TOX2: variants seen among roughly 807,000 people sequenced by gnomAD.
TOX2 encodes the protein granulosa cell HMG box 1.
Under a neutral mutation model 47.4 loss-of-function variants are expected in TOX2, and 15 were observed. That is an observed-to-expected ratio of 0.32 (90% confidence interval 0.21 to 0.49). The LOEUF is 0.49. Ranked by LOEUF, TOX2 falls within the 20% of genes least tolerant of loss-of-function variation. The probability of loss-of-function intolerance (pLI) is 0.99; values close to 1 mark genes in which losing one functional copy is unlikely to be tolerated. For synonymous variants in TOX2, 290 were observed against 296.6 expected (o/e 0.98, Z 0.23); for missense variants, 622 against 673.1 (o/e 0.92, Z 0.84).
chr20:43,974,271 G>A (rs181563298), intron 2 of TOX2, among the ~76,000 whole-genome samples: 56 of 151,614 alleles, frequency 3.7e-4, no homozygotes, highest in African/African-American at 1.3e-3. Flanking sequence ...AGAAAGTGAT[G>A]CAAGGGTGGG....
intron 7 of TOX2, among the ~76,000 whole-genome samples, chr20:44,066,429 G>C (rs2071823196): frequency 6.6e-6 from 1 of 152,174 alleles, no homozygotes; most frequent in South Asian, 2.1e-4. Flanking sequence ...CACAGAGATT[G>C]CTACGAGGTT....
chr20:43,989,323 G>A (rs560080719), intron 2 of TOX2, among the ~76,000 whole-genome samples: 1 of 152,306 alleles, frequency 6.6e-6, no homozygotes, highest in East Asian at 1.9e-4. Context: ...AGCAGTTAGA[G>A]AATGGGAGAG....
chr20:43,933,202 C>A (rs1273009272), intron 1 of TOX2, among the ~76,000 whole-genome samples: 1 of 152,216 alleles, frequency 6.6e-6, no homozygotes, highest in Non-Finnish European at 1.5e-5. Context: ...TCTGTAGCTG[C>A]AATACCATCA....
chr20:43,975,554 G>C (rs1219868218), intron 2 of TOX2, among the ~76,000 whole-genome samples: 1 of 152,126 alleles, frequency 6.6e-6, no homozygotes, highest in Non-Finnish European at 1.5e-5. Flanking sequence ...CTCAGACTCG[G>C]AGCTCCACAA....
At chr20:44,027,680 C>T (rs887000117) in intron 3 of TOX2, among the ~76,000 whole-genome samples, 3 of 152,330 alleles carry the variant, frequency 2.0e-5, no homozygotes, top group African/African-American at 7.2e-5. Flanking sequence ...CACCAGTTGA[C>T]TTCAGCCAGT....
intron 5 of TOX2, among the ~76,000 whole-genome samples, chr20:44,062,367 A>AAAAT (rs200770035): frequency 0.53 from 74,968 of 140,590 alleles, 20,296 homozygotes; most frequent in Non-Finnish European, 0.6. Flanking sequence ...CTTTAACTGC[A>AAAAT]AAATAAATAA....
chr20:44,026,973 A>G (rs2071077893), intron 3 of TOX2, among the ~76,000 whole-genome samples: 1 of 152,190 alleles, frequency 6.6e-6, no homozygotes, highest in Non-Finnish European at 1.5e-5. Context: ...CACAGGCAAC[A>G]CTTTTCTCGA....
chr20:44,064,978 C>A, intron 6 of TOX2, 121 bp downstream of exon 6: 1 of 860,328 alleles, frequency 1.2e-6, no homozygotes, highest in Admixed American at 2.4e-5. Context: ...TGGCTCAGAC[C>A]TACATGGTCA....
chr20:44,028,295 G>C (rs2071095934), intron 3 of TOX2, among the ~76,000 whole-genome samples: 1 of 151,952 alleles, frequency 6.6e-6, no homozygotes, highest in Non-Finnish European at 1.5e-5. Flanking sequence ...TGCTGTGGCT[G>C]GGCAGGGGGG....
At chr20:43,992,860 A>AAG (rs1384973583) in intron 2 of TOX2, among the ~76,000 whole-genome samples, 9 of 148,322 alleles carry the variant, frequency 6.1e-5, no homozygotes, top group African/African-American at 2.2e-4. Flanking sequence ...AAAAAAAAAA[A>AAG]AAAAAAGAAA....
intron 3 of TOX2, among the ~76,000 whole-genome samples, chr20:44,010,731 C>G (rs1411142144): frequency 6.6e-6 from 1 of 152,110 alleles, no homozygotes; most frequent in Non-Finnish European, 1.5e-5. Context: ...ATAATCCCCC[C>G]AAGAAGCAAA....
At chr20:43,956,110 G>A (rs1198282816) in intron 1 of TOX2, among the ~76,000 whole-genome samples, 8 of 152,158 alleles carry the variant, frequency 5.3e-5, no homozygotes, top group Admixed American at 2.0e-4. Context: ...TGCATGCTGC[G>A]GGTAGATCTG....
chr20:43,982,187 T>A (rs1037504486), intron 2 of TOX2, among the ~76,000 whole-genome samples: 1 of 151,898 alleles, frequency 6.6e-6, no homozygotes, highest in African/African-American at 2.4e-5. Context: ...GCAGAGGGTG[T>A]CTGCACCTGA....
At chr20:44,048,906 G>A (rs947413874) in intron 3 of TOX2, among the ~76,000 whole-genome samples, 2 of 152,228 alleles carry the variant, frequency 1.3e-5, no homozygotes, top group African/African-American at 4.8e-5. Flanking sequence ...GCGGGCCGAG[G>A]TGGGCAGATC....
intron 3 of TOX2, among the ~76,000 whole-genome samples, chr20:44,036,489 G>T (rs565843803): frequency 1.3e-5 from 2 of 152,192 alleles, no homozygotes; most frequent in African/African-American, 2.4e-5. Flanking sequence ...CCCCTTTCTC[G>T]CATGCCTGAG....
At chr20:44,032,106 T>G (rs2071163287) in intron 3 of TOX2, among the ~76,000 whole-genome samples, 1 of 151,726 alleles carries the variant, frequency 6.6e-6, no homozygotes, top group Non-Finnish European at 1.5e-5. Flanking sequence ...CGGGTTGCAG[T>G]ATTGGGTAGG....
intron 7 of TOX2, 65 bp from the exon 8 acceptor site, chr20:44,066,665 A>T: frequency 6.2e-7 from 1 of 1,612,132 alleles, no homozygotes; most frequent in South Asian, 1.1e-5. Flanking sequence ...TCACCCCGGG[A>T]GGCCTGGGAC....
At chr20:43,976,782 G>GCCCA (rs1555835309) in intron 2 of TOX2, among the ~76,000 whole-genome samples, 1 of 146,434 alleles carries the variant, frequency 6.8e-6, no homozygotes, top group African/African-American at 2.6e-5. Context: ...GAGCGCGCGC[G>GCCCA]CACACACACA....
In TOX2 at chr20:44,066,021, T is replaced by TCCCCAGCC; in HGVS notation, c.1282_1289dup (p.Val431SerfsTer17). On this transcript the variant is annotated frameshift_variant, in exon 7 of 9. Transcript: ENST00000341197. LOFTEE classifies it high-confidence loss of function. ...CCTCCTCAGTCCACCTGTTAGCATGTCCCCAGCCCCCCAGCCCCCTGTCCT... is the reference window on the plus strand; with the variant it reads ...CCTCCTCAGTCCACCTGTTAGCATGTCCCCAGCCCCCCAGCCCCCCAGCCCCCTGTCCT... 1 of 1,609,126 alleles carries TCCCCAGCC rather than the reference T, an allele frequency of 6.2e-7. No individual in the cohort carries two copies. Among genetic ancestry groups the TCCCCAGCC allele is most frequent in the Non-Finnish European group, 8.5e-7 (1 of 1,178,326 alleles).
Sources: gnomAD v4.1 joint callset for allele counts (sites outside exome capture counted in the v4.1 genomes callset) on GRCh38, gnomAD v4.1.1 for gene constraint, MANE v1.5 for transcripts, NCBI Gene and HGNC (gene_info 2026-07-23, HGNC 2026-07-21) for gene names.